The following LINGO2 variants were observed in gnomAD, a reference collection of about 807,000 sequenced individuals.
LINGO2 encodes leucine-rich repeat and immunoglobulin-like domain-containing nogo receptor-interacting protein 2.
In LINGO2, 14 loss-of-function variants were observed where a neutral mutation model predicts 30.6. The ratio of observed to expected loss-of-function variants is 0.46; its 90% CI spans 0.30 to 0.72. LINGO2 has a LOEUF of 0.72. Among genes scored for constraint, LINGO2 ranks in the 30% least tolerant of loss-of-function variants. The pLI is 0.07. For synonymous variants in LINGO2, 317 were observed against 288.5 expected (o/e 1.10, Z -1.00); for missense variants, 729 against 751.7 (o/e 0.97, Z 0.35).
chr9:29,171,159 C>G, the LINGO2 span, among the ~76,000 whole-genome samples: 1 of 151,990 alleles, frequency 6.6e-6, no homozygotes, highest in Non-Finnish European at 1.5e-5. Flanking sequence ...AAGCACATAA[C>G]AAAAGTCAGT....
chr9:28,556,744 C>A (rs566897375), intron 1 of LINGO2, among the ~76,000 whole-genome samples: 3 of 151,968 alleles, frequency 2.0e-5, no homozygotes, highest in Admixed American at 2.0e-4. Flanking sequence ...TGACTTCAAA[C>A]TATACTACAA....
At chr9:28,381,232 CAAACAA>C (rs1053292756) in intron 2 of LINGO2, among the ~76,000 whole-genome samples, 3 of 151,874 alleles carry the variant, frequency 2.0e-5, no homozygotes, top group African/African-American at 4.8e-5. Flanking sequence ...AACAAACAAA[CAAACAA>C]AAACAAAAAC....
the LINGO2 span, among the ~76,000 whole-genome samples, chr9:28,787,618 G>A: frequency 1.3e-4 from 20 of 152,052 alleles, no homozygotes; most frequent in South Asian, 2.1e-4. Flanking sequence ...TCTTTTACCC[G>A]GTAGTTCCTT....
chr9:28,936,268 C>T, the LINGO2 span, among the ~76,000 whole-genome samples: 5 of 152,084 alleles, frequency 3.3e-5, no homozygotes, highest in African/African-American at 1.2e-4. Context: ...AAAGCCTGTA[C>T]ACAAAAAGTT....
At chr9:29,051,885 T>G in the LINGO2 span, among the ~76,000 whole-genome samples, 9 of 152,160 alleles carry the variant, frequency 5.9e-5, no homozygotes, top group African/African-American at 2.2e-4. Flanking sequence ...ATAATATTGA[T>G]TAATAATTGG....
intron 2 of LINGO2, among the ~76,000 whole-genome samples, chr9:28,457,798 A>G (rs1001457414): frequency 7.9e-5 from 12 of 152,140 alleles, no homozygotes; most frequent in African/African-American, 2.9e-4. Context: ...TGAGAGCAAC[A>G]TTGTATATGA....
the LINGO2 span, among the ~76,000 whole-genome samples, chr9:28,712,694 T>C: frequency 6.6e-6 from 1 of 151,770 alleles, no homozygotes; most frequent in Non-Finnish European, 1.5e-5. Flanking sequence ...TAACTCCAAA[T>C]TTTTATTCAT....
intron 4 of LINGO2, among the ~76,000 whole-genome samples, chr9:28,035,885 C>A (rs368720986): frequency 1.9e-4 from 12 of 62,236 alleles, no homozygotes; most frequent in Admixed American, 8.8e-4. Flanking sequence ...GCAGAACACA[C>A]ACACACAAAC....
intron 4 of LINGO2, among the ~76,000 whole-genome samples, chr9:28,280,010 C>T (rs985134033): frequency 3.3e-5 from 5 of 152,074 alleles, no homozygotes; most frequent in African/African-American, 9.7e-5. Flanking sequence ...AGGAGTATGG[C>T]AGGCCCTGAG....
the LINGO2 span, among the ~76,000 whole-genome samples, chr9:29,026,441 T>G: frequency 3.3e-5 from 5 of 152,160 alleles, no homozygotes; most frequent in Non-Finnish European, 5.9e-5. Context: ...TTCATACAAT[T>G]TTCATTCTAA....
chr9:29,092,649 T>C, the LINGO2 span, among the ~76,000 whole-genome samples: 5 of 92,962 alleles, frequency 5.4e-5, 1 homozygote, highest in African/African-American at 2.1e-4. Flanking sequence ...TGTTAAAGTG[T>C]ATATGTTTGT....
chr9:28,102,792 T>C (rs1826456912), intron 4 of LINGO2, among the ~76,000 whole-genome samples: 1 of 152,142 alleles, frequency 6.6e-6, no homozygotes, highest in Non-Finnish European at 1.5e-5. Flanking sequence ...CAATAGCTTG[T>C]ACCTACTATG....
chr9:28,564,256 C>G (rs1408886161), intron 1 of LINGO2, among the ~76,000 whole-genome samples: 1 of 151,994 alleles, frequency 6.6e-6, no homozygotes, highest in Non-Finnish European at 1.5e-5. Flanking sequence ...CCTGCACTTT[C>G]AAAATGTAAT....
At chr9:28,045,372 G>A (rs532431863) in intron 4 of LINGO2, among the ~76,000 whole-genome samples, 2 of 152,142 alleles carry the variant, frequency 1.3e-5, no homozygotes, top group Non-Finnish European at 2.9e-5. Flanking sequence ...ATTATGAATT[G>A]TCAAGTTTTC....
chr9:28,905,923 G>C, the LINGO2 span, among the ~76,000 whole-genome samples: 1 of 152,076 alleles, frequency 6.6e-6, no homozygotes, highest in African/African-American at 2.4e-5. Context: ...TCCATTAAAG[G>C]ATGAATAAGT....
chr9:28,395,592 C>T (rs1257952992), intron 2 of LINGO2, among the ~76,000 whole-genome samples: 1 of 152,016 alleles, frequency 6.6e-6, no homozygotes, highest in Non-Finnish European at 1.5e-5. Context: ...AGGGCATATA[C>T]CCATATGGCA....
chr9:28,434,697 G>A (rs1374958696), intron 2 of LINGO2, among the ~76,000 whole-genome samples: 5 of 152,046 alleles, frequency 3.3e-5, no homozygotes, highest in East Asian at 1.9e-4. Context: ...TACTTTAAAT[G>A]AGAAGGCCAA....
chr9:28,094,804 C>A (rs908886715), intron 4 of LINGO2, among the ~76,000 whole-genome samples: 5 of 151,958 alleles, frequency 3.3e-5, no homozygotes, highest in Non-Finnish European at 5.9e-5. Flanking sequence ...TCCCACTCAA[C>A]CAGACCCTCA....
the LINGO2 span, among the ~76,000 whole-genome samples, chr9:29,037,078 C>T: frequency 2.0e-5 from 3 of 150,990 alleles, no homozygotes; most frequent in African/African-American, 7.3e-5. Context: ...TCTCTGCTTA[C>T]TCTTTTTTTT....
Sources: allele counts gnomAD v4.1 joint callset (sites outside exome capture counted in the v4.1 genomes callset), GRCh38; gene constraint gnomAD v4.1.1; transcripts MANE v1.5; gene names NCBI Gene and HGNC (gene_info 2026-07-23, HGNC 2026-07-21).